The following BRAF variants were observed in gnomAD, a reference collection of about 807,000 sequenced individuals.
The protein encoded by BRAF is serine/threonine-protein kinase B-raf.
In BRAF, 16 loss-of-function variants were observed where a neutral mutation model predicts 104.6. That is an observed-to-expected ratio of 0.15 (90% confidence interval 0.10 to 0.23). The LOEUF (loss-of-function observed/expected upper bound fraction) is 0.23, where lower values mean the gene tolerates loss of function less well. Among genes scored for constraint, BRAF ranks in the 10% least tolerant of loss-of-function variants. The pLI, the probability that BRAF is intolerant of heterozygous loss-of-function variation, is 1.00. For synonymous variants in BRAF, 310 were observed against 341.6 expected (o/e 0.91, Z 1.02); for missense variants, 541 against 937.3 (o/e 0.58, Z 5.52).
intron 1 of BRAF, among the ~76,000 whole-genome samples, chr7:140,868,134 AGT>A (rs1432236842): frequency 6.6e-6 from 1 of 152,200 alleles, no homozygotes; most frequent in African/African-American, 2.4e-5. Flanking sequence ...AGCCAAAGTT[AGT>A]GCAGTGCAGA....
At chr7:140,865,381 G>A (rs1810848908) in intron 1 of BRAF, among the ~76,000 whole-genome samples, 1 of 152,128 alleles carries the variant, frequency 6.6e-6, no homozygotes, top group Non-Finnish European at 1.5e-5. Flanking sequence ...CGCCCAGCCA[G>A]CAAACGCATT....
chr7:140,777,955 T>A, intron 13 of BRAF, 36 bp downstream of exon 12: 1 of 1,597,514 alleles, frequency 6.3e-7, no homozygotes, highest in Non-Finnish European at 8.6e-7. Context: ...AAAAATAACT[T>A]CTTTCTCTGG....
chr7:140,857,122 TG>T (rs912549137), intron 1 of BRAF, among the ~76,000 whole-genome samples: 1 of 152,174 alleles, frequency 6.6e-6, no homozygotes, highest in African/African-American at 2.4e-5. Context: ...TCTGGATATC[TG>T]GGTAAGCCCT....
Position 140,721,110 on chromosome 7 carries a change from G to C in BRAF, c.*5384C>G. The C allele has an allele frequency of 9.4e-7, 1 of 1,064,412 alleles. No homozygotes were observed. The highest frequency in any genetic ancestry group is 1.6e-5 in the African/African-American group (1 of 61,066). The allele number at this position is 1,064,412 out of a possible 1,614,324, so 65.9% of individuals were successfully genotyped here. A position where few individuals can be genotyped will look rare whatever the true frequency, so the allele number is the denominator to read the frequency against. On this transcript the variant is annotated 3_prime_UTR_variant, in exon 20 of 20. Coordinates refer to ENST00000644969, the MANE Select transcript of BRAF (RefSeq NM_001374258.1). ...TGCACCTCTAAAAAATGGATACACT[G>C]GCTTACATTGGCTGTGTCCTCATAC...
Position 140,860,465 on chromosome 7 carries a change from G to GA in BRAF, c.139-10254dup, listed in dbSNP as rs746617365. Among the ~76,000 whole-genome samples, 339 of 62,066 alleles carry GA rather than the reference G, an allele frequency of 5.5e-3. 5 individuals are homozygous for GA. The highest frequency in any genetic ancestry group is 9.8e-3 in the Middle Eastern group (1 of 102). The allele number at this position is 62,066 out of a possible 152,430, so 40.7% of individuals were successfully genotyped here. A position where few individuals can be genotyped will look rare whatever the true frequency, so the allele number is the denominator to read the frequency against. ...GCAACATAGCAAGACCCCATCTCTA[G>GA]AAAAAAAAAAAAAAAAGAAAAAAAA... On this transcript the variant is annotated intron_variant, in intron 1 of 19. Coordinates refer to ENST00000644969, the MANE Select transcript of BRAF (RefSeq NM_001374258.1).
intron 1 of BRAF, among the ~76,000 whole-genome samples, chr7:140,862,787 A>G (rs1266684593): frequency 6.6e-6 from 1 of 152,206 alleles, no homozygotes; most frequent in Non-Finnish European, 1.5e-5. Context: ...AAAATATTCT[A>G]CAATGTACTG....
rs147860189 is a variant in BRAF at position 140,853,287 on chromosome 7, G to A, written c.139-3075C>T. 3.6e-3 allele frequency among the ~76,000 whole-genome samples: 554 copies of A among 152,088 alleles called. 6 individuals carry two copies. The highest frequency in any genetic ancestry group is 0.013 in the African/African-American group (524 of 41,468). ...TGTGGTCCCAGAGGCTGAGGTGGGA[G>A]GATTGCTTGAGCCTGGGAAGTTGAG... On this transcript the variant is annotated intron_variant, in intron 1 of 19. Transcript: ENST00000644969.
At chr7:140,909,139 T>A (rs1402593476) in intron 1 of BRAF, among the ~76,000 whole-genome samples, 1 of 152,246 alleles carries the variant, frequency 6.6e-6, no homozygotes, top group East Asian at 1.9e-4. Context: ...TAAATGTAAT[T>A]CAGAGGCTGG....
intron 7 of BRAF, among the ~76,000 whole-genome samples, chr7:140,798,272 C>CCTTTTTTTTTTT (rs1802696983): frequency 4.3e-5 from 5 of 115,624 alleles, no homozygotes; most frequent in Admixed American, 1.1e-4. Flanking sequence ...CTTTTTTTTT[C>CCTTTTTTTTTTT]TTTTTTTTGA....
In BRAF at chr7:140,722,976, A is replaced by G; in HGVS notation, c.*3518T>C. ...GGACAAAATGAGAGTGCTCAAATAC[A>G]AGTACACAAAAAAGTTAAAATCTTA... is the stretch of plus-strand genomic sequence containing the variant. On this transcript the variant is annotated 3_prime_UTR_variant, in exon 20 of 20. Transcript: ENST00000644969. The G allele has an allele frequency of 6.6e-6, 7 of 1,054,244 alleles. No homozygotes were observed. Among genetic ancestry groups the G allele is most frequent in the Non-Finnish European group, 5.7e-6 (5 of 872,408 alleles). The allele number at this position is 1,054,244 out of a possible 1,614,324, so 65.3% of individuals were successfully genotyped here. A position where few individuals can be genotyped will look rare whatever the true frequency, so the allele number is the denominator to read the frequency against.
intron 3 of BRAF, among the ~76,000 whole-genome samples, chr7:140,816,477 C>T (rs1173593942): frequency 6.6e-6 from 1 of 152,026 alleles, no homozygotes; most frequent in Non-Finnish European, 1.5e-5. Flanking sequence ...AAGAACATAC[C>T]TTTTCCTTAA....
intron 3 of BRAF, among the ~76,000 whole-genome samples, chr7:140,821,146 C>T (rs1458319783): frequency 6.6e-6 from 1 of 152,012 alleles, no homozygotes. Context: ...CTCATGCTAG[C>T]ACACCTGGCT....
At chr7:140,767,933 G>C (rs1039414292) in intron 14 of BRAF, among the ~76,000 whole-genome samples, 2 of 152,198 alleles carry the variant, frequency 1.3e-5, no homozygotes, top group Non-Finnish European at 2.9e-5. Flanking sequence ...ATACATTACA[G>C]TATATTTTAA....
rs931079765 is a variant in BRAF at position 140,725,834 on chromosome 7, G to A, written c.*660C>T. On this transcript the variant is annotated 3_prime_UTR_variant, in exon 20 of 20. Transcript: ENST00000644969. The stretch of plus-strand genomic sequence containing the variant: ...AAGGAAACAAAAGGCCAGAGACCCC[G>A]GAGGTCAGGAAGAAGATGCAGCATG... 1.0e-5 allele frequency: 11 copies of A among 1,062,908 alleles called. No homozygotes were observed. Among genetic ancestry groups the A allele is most frequent in the Middle Eastern group, 4.1e-4 (1 of 2,418 alleles). The allele number at this position is 1,062,908 out of a possible 1,614,324, so 65.8% of individuals were successfully genotyped here. A position where few individuals can be genotyped will look rare whatever the true frequency, so the allele number is the denominator to read the frequency against.
chr7:140,861,487 C>T (rs1265647182), intron 1 of BRAF, among the ~76,000 whole-genome samples: 5 of 152,080 alleles, frequency 3.3e-5, no homozygotes, highest in East Asian at 1.9e-4. Flanking sequence ...CAAAGGATCG[C>T]GTGGGTCTAT....
At chr7:140,892,021 C>T (rs1178060580) in intron 1 of BRAF, among the ~76,000 whole-genome samples, 1 of 152,076 alleles carries the variant, frequency 6.6e-6, no homozygotes, top group African/African-American at 2.4e-5. Flanking sequence ...TTTCGGAGGC[C>T]GAGGCAGGTG....
At chr7:140,923,481 A>G (rs1818467640) in intron 1 of BRAF, among the ~76,000 whole-genome samples, 1 of 152,240 alleles carries the variant, frequency 6.6e-6, no homozygotes, top group Non-Finnish European at 1.5e-5. Flanking sequence ...GGCTGAGAGA[A>G]GCAAGGACTG....
At chr7:140,811,591 T>C (rs1251685195) in intron 3 of BRAF, among the ~76,000 whole-genome samples, 1 of 152,230 alleles carries the variant, frequency 6.6e-6, no homozygotes, top group East Asian at 1.9e-4. Context: ...CTAATAGATG[T>C]TGAGTACAAA....
intron 3 of BRAF, among the ~76,000 whole-genome samples, chr7:140,816,209 A>C (rs545850706): frequency 1.3e-5 from 2 of 152,342 alleles, no homozygotes; most frequent in East Asian, 3.9e-4. Context: ...TAAATGAGTA[A>C]GTGAAAGTGT....
Sources: gnomAD v4.1 joint callset for allele counts (sites outside exome capture counted in the v4.1 genomes callset) on GRCh38, gnomAD v4.1.1 for gene constraint, MANE v1.5 for transcripts, NCBI Gene and HGNC (gene_info 2026-07-23, HGNC 2026-07-21) for gene names.